The following CMBL variants were observed in gnomAD, a reference collection of about 807,000 sequenced individuals.
CMBL encodes carboxymethylenebutenolidase homolog (Pseudomonas).
A neutral mutation model predicts 28.7 loss-of-function variants in CMBL; 17 were observed. The observed-to-expected ratio is 0.59, with a 90% confidence interval of 0.41 to 0.89. The LOEUF is 0.89. CMBL is among the 40% of genes least tolerant of loss of function. The pLI, the probability that CMBL is intolerant of heterozygous loss-of-function variation, is 0.00. For synonymous variants in CMBL, 106 were observed against 101.6 expected (o/e 1.04, Z -0.26); for missense variants, 310 against 298.5 (o/e 1.04, Z -0.28).
intron 3 of CMBL, among the ~76,000 whole-genome samples, chr5:10,287,204 A>G (rs1231529573): frequency 6.6e-6 from 1 of 152,226 alleles, no homozygotes; most frequent in African/African-American, 2.4e-5. Flanking sequence ...ACGTATGTTT[A>G]TTGTAGCACG....
intron 1 of CMBL, among the ~76,000 whole-genome samples, chr5:10,303,272 C>T (rs905400947): frequency 7.2e-5 from 11 of 152,302 alleles, no homozygotes; most frequent in African/African-American, 2.6e-4. Context: ...CTATGTCTCC[C>T]TAAATGTATA....
intron 2 of CMBL, 143 bp from the exon 3 acceptor site, chr5:10,288,672 C>T (rs138342055): frequency 1.1e-5 from 7 of 648,160 alleles, no homozygotes; most frequent in Non-Finnish European, 1.9e-5. Context: ...CAATTTTGAT[C>T]GCAGCAAAGC....
chr5:10,290,805 A>T (rs768134706), intron 1 of CMBL, 24 bp from the exon 2 acceptor site: 1 of 1,512,750 alleles, frequency 6.6e-7, no homozygotes, highest in Non-Finnish European at 9.2e-7. Context: ...AACATGCGTT[A>T]TATTCTGAAT....
rs376078865 is a variant in CMBL at position 10,295,905 on chromosome 5, G to A, written c.-19-5124C>T. On this transcript the variant is annotated intron_variant, in intron 1 of 5. Coordinates refer to ENST00000296658, the MANE Select transcript of CMBL (RefSeq NM_138809.4). ...TGCACATTTTTGTGCTTTTTGAGGG[G>A]TTGATTTTGCTGTTTAAAAGGGCCC... Among the ~76,000 whole-genome samples, 8 of 152,278 alleles carry A rather than the reference G, an allele frequency of 5.3e-5. No homozygotes were observed. In the South Asian group the frequency reaches 6.2e-4, roughly 12 times the overall value.
Position 10,290,702 on chromosome 5 carries a change from GC to G in CMBL, c.60del (p.Leu21Ter). 2 of 1,614,200 alleles carry G rather than the reference GC, an allele frequency of 1.2e-6. No homozygotes were observed. The highest frequency in any genetic ancestry group is 1.7e-6 in the Non-Finnish European group (2 of 1,180,038). On this transcript the variant is annotated frameshift_variant, in exon 2 of 6. Transcript: ENST00000296658. LOFTEE classifies it high-confidence loss of function. ...TGCTCGACTTGAACTTCACGGCCTA[GC>G]CCTCCATACTCAAGTCTGTGGCCAA... ...CDIGHRLEYG[G>X]LGREVQVEHI...
chr5:10,302,196 C>A (rs1746913236), intron 1 of CMBL, among the ~76,000 whole-genome samples: 1 of 152,220 alleles, frequency 6.6e-6, no homozygotes, highest in South Asian at 2.1e-4. Context: ...ACTAACTGTA[C>A]TATATTTTCT....
At chr5:10,280,698 T>G in intron 5 of CMBL, 66 bp from the exon 6 acceptor site, 1 of 1,352,098 alleles carries the variant, frequency 7.4e-7, no homozygotes, top group Non-Finnish European at 1.0e-6. Flanking sequence ...AAATCTTTAG[T>G]GAGCGTTCAT....
intron 1 of CMBL, among the ~76,000 whole-genome samples, chr5:10,303,263 T>C (rs1746943461): frequency 6.6e-6 from 1 of 152,190 alleles, no homozygotes; most frequent in African/African-American, 2.4e-5. Context: ...ATCGAGTTCC[T>C]ATGTCTCCCT....
Position 10,280,691 on chromosome 5 carries a change from TC to T in CMBL, c.559-60del, listed in dbSNP as rs1360221295. ...TTAGTGATACTTTCCATTCTCCAAA[TC>T]TTTAGTGAGCGTTCATAACAGAAAT... On this transcript the variant is annotated intron_variant, in intron 5 of 5. Transcript: ENST00000296658. 4 of 1,413,282 alleles carry T rather than the reference TC, an allele frequency of 2.8e-6. No individual in the cohort carries two copies. In the African/African-American group the frequency reaches 5.6e-5, roughly 20 times the overall value. 87.5% of individuals were successfully genotyped at this position (1,413,282 alleles called of 1,614,324 possible). A position where few individuals can be genotyped will look rare whatever the true frequency, so the allele number is the denominator to read the frequency against.
At chr5:10,283,943 A>C (rs1011130064) in intron 4 of CMBL, among the ~76,000 whole-genome samples, 1 of 152,244 alleles carries the variant, frequency 6.6e-6, no homozygotes, top group Admixed American at 6.5e-5. Flanking sequence ...TAAGATAAGA[A>C]GACGTAAATA....
chr5:10,287,205 T>C (rs926302993), intron 3 of CMBL, among the ~76,000 whole-genome samples: 5 of 152,226 alleles, frequency 3.3e-5, no homozygotes, highest in African/African-American at 1.2e-4. Flanking sequence ...CGTATGTTTA[T>C]TGTAGCACGA....
intron 1 of CMBL, among the ~76,000 whole-genome samples, chr5:10,302,712 T>C (rs1488424401): frequency 6.6e-6 from 1 of 152,134 alleles, no homozygotes; most frequent in African/African-American, 2.4e-5. Context: ...GTCTCAAGAC[T>C]GACGAAACAG....
chr5:10,285,206 T>C (rs1249446315), intron 4 of CMBL, among the ~76,000 whole-genome samples: 1 of 152,118 alleles, frequency 6.6e-6, no homozygotes, highest in African/African-American at 2.4e-5. Flanking sequence ...TCTCACTCTG[T>C]TGCCTGGGTT....
rs765106399 is a variant in CMBL, at chr5:10,290,545, T to C, written c.215+3A>G. Reference sequence around the variant, plus strand: ...AAACAAAGAAACACAACTTTATACATACGTGTATCCATTTCCTGAGATCAT... The same window carrying C: ...AAACAAAGAAACACAACTTTATACACACGTGTATCCATTTCCTGAGATCAT... On this transcript the variant is annotated splice_donor_region_variant and intron_variant, in intron 2 of 5. Coordinates refer to ENST00000296658, the MANE Select transcript of CMBL (RefSeq NM_138809.4). The C allele has an allele frequency of 6.8e-6, 11 of 1,606,084 alleles. No individual in the cohort carries two copies. The South Asian group carries it at 9.9e-5, about 14-fold the overall frequency.
chr5:10,306,575 G>C (rs1747005488), intron 1 of CMBL, among the ~76,000 whole-genome samples: 1 of 152,170 alleles, frequency 6.6e-6, no homozygotes, highest in Admixed American at 6.6e-5. Flanking sequence ...CAGGAAAGTG[G>C]GGTCTAATGG....
intron 4 of CMBL, among the ~76,000 whole-genome samples, chr5:10,284,239 G>C (rs1159973820): frequency 6.6e-6 from 1 of 152,246 alleles, no homozygotes; most frequent in South Asian, 2.1e-4. Context: ...CAAAAGCATG[G>C]TCTGGACAAA....
chr5:10,305,024 C>T (rs1300760488), intron 1 of CMBL, among the ~76,000 whole-genome samples: 2 of 152,300 alleles, frequency 1.3e-5, no homozygotes, highest in African/African-American at 4.8e-5. Context: ...TGTGCTGGGG[C>T]AGGACTGTGT....
Position 10,289,692 on chromosome 5 carries a change from A to G in CMBL, c.215+856T>C, listed in dbSNP as rs73052316. Among the ~76,000 whole-genome samples, 873 of 152,262 alleles carry G rather than the reference A, an allele frequency of 5.7e-3. 10 individuals are homozygous for G. Among genetic ancestry groups the G allele is most frequent in the African/African-American group, 0.02 (839 of 41,540 alleles). Reference sequence around the variant, plus strand: ...TTATTTTTACTGGGCTTGCCCCTAGAAAGTTAAGTCCCCTCACATGGGGAC... The same window carrying G: ...TTATTTTTACTGGGCTTGCCCCTAGGAAGTTAAGTCCCCTCACATGGGGAC... On this transcript the variant is annotated intron_variant, in intron 2 of 5. Transcript: ENST00000296658. The surrounding 1 kb of genome is among the most constrained non-coding windows in gnomAD (Gnocchi z 4.3).
rs1197690158 is a variant in CMBL, at chr5:10,289,729, A to G, written c.215+819T>C. On this transcript the variant is annotated intron_variant, in intron 2 of 5. Transcript: ENST00000296658. The surrounding 1 kb of genome is among the most constrained non-coding windows in gnomAD (Gnocchi z 4.3). The stretch of plus-strand genomic sequence containing the variant: ...CCTCACATGGGGACGTGAAAAAGGA[A>G]AACTTCAAGGAAGGTCTTTTCATTC... 6.6e-6 allele frequency among the ~76,000 whole-genome samples: 1 copy of G among 152,200 alleles called. No individual in the cohort carries two copies. Among genetic ancestry groups the G allele is most frequent in the Non-Finnish European group, 1.5e-5 (1 of 68,030 alleles).
Sources: allele counts gnomAD v4.1 joint callset (sites outside exome capture counted in the v4.1 genomes callset), GRCh38; gene constraint gnomAD v4.1.1; non-coding constraint Gnocchi (gnomAD v3.1); transcripts MANE v1.5; gene names NCBI Gene and HGNC (gene_info 2026-07-23, HGNC 2026-07-21).